Variants in TPST2 observed in about 807,000 individuals in gnomAD.
The protein encoded by TPST2 is protein-tyrosine sulfotransferase 2.
In TPST2, 16 loss-of-function variants were observed where a neutral mutation model predicts 27.8. The ratio of observed to expected loss-of-function variants is 0.58; its 90% CI spans 0.39 to 0.88. TPST2 has a LOEUF of 0.88. TPST2 is among the 40% of genes least tolerant of loss of function. The pLI is 0.00. For synonymous variants in TPST2, 229 were observed against 231.7 expected, an observed-to-expected ratio of 0.99 and a Z score of 0.10; for missense variants, 464 against 543.1, an observed-to-expected ratio of 0.85 and a Z score of 1.45.
chr22:26,553,181 G>A (rs1926578623), intron 1 of TPST2, among the ~76,000 whole-genome samples: 1 of 151,948 alleles, frequency 6.6e-6, no homozygotes, highest in African/African-American at 2.4e-5. Flanking sequence ...TTGGTTCTGG[G>A]ACTTTTCTCA....
In TPST2 at chr22:26,532,713, A is replaced by G. The variant is rs1380829536; in HGVS notation, c.1074T>C (p.Asn358=). 1.2e-6 allele frequency: 2 copies of G among 1,614,100 alleles called. No individual in the cohort carries two copies. Among genetic ancestry groups the G allele is most frequent in the Non-Finnish European group, 1.7e-6 (2 of 1,179,964 alleles). Residue 358 remains asparagine (N), a synonymous_variant, in exon 5 of 7, where the codon AAT becomes AAC. Transcript: ENST00000338754. The part of the protein sequence containing the change: ...VLKGDYKTPA[N]LKGYFQVNQN... ...TTCTAACCTGAAAATATCCTTTCAGATTGGCTGGTGTTTTATAGTCCCCTT... is the reference window on the plus strand; with the variant it reads ...TTCTAACCTGAAAATATCCTTTCAGGTTGGCTGGTGTTTTATAGTCCCCTT...
At chr22:26,585,200 G>A (rs1928295725) in intron 1 of TPST2, among the ~76,000 whole-genome samples, 1 of 152,206 alleles carries the variant, frequency 6.6e-6, no homozygotes, top group Non-Finnish European at 1.5e-5. Flanking sequence ...TGGGCTGCCT[G>A]CCTGCTTTCT....
chr22:26,582,881 G>C (rs1233169065), intron 1 of TPST2, among the ~76,000 whole-genome samples: 1 of 152,066 alleles, frequency 6.6e-6, no homozygotes. Flanking sequence ...ATATCTCACT[G>C]TGGGGAACAA....
At chr22:26,531,219 T>C (rs1334747361) in intron 5 of TPST2, among the ~76,000 whole-genome samples, 5 of 152,156 alleles carry the variant, frequency 3.3e-5, no homozygotes, top group South Asian at 2.1e-4. Context: ...ATCTCCCTAC[T>C]GTCCTCCACT....
chr22:26,560,576 AT>A (rs1159118361), intron 1 of TPST2: 6 of 924,218 alleles, frequency 6.5e-6, no homozygotes, highest in South Asian at 5.2e-5. Flanking sequence ...CATCACATGC[AT>A]TTTTTGGGCA....
chr22:26,561,141 G>C (rs947886499), intron 1 of TPST2: 12 of 1,605,872 alleles, frequency 7.5e-6, no homozygotes, highest in Non-Finnish European at 8.5e-6. Flanking sequence ...AGAAGATGAA[G>C]ATGAAGAAGA....
rs1924666305 is a variant in TPST2 at position 26,523,536 on chromosome 22, T to C, written c.*2739A>G. The C allele has an allele frequency of 6.6e-6, 1 of 152,224 alleles. No individual in the cohort carries two copies. The highest frequency in any genetic ancestry group is 2.4e-5 in the African/African-American group (1 of 41,460). The allele number at this position is 152,224 out of a possible 1,614,324, so 9.4% of individuals were successfully genotyped here. On this transcript the variant is annotated 3_prime_UTR_variant, in exon 7 of 7. Transcript: ENST00000338754. The stretch of plus-strand genomic sequence containing the variant: ...GTTTTTTTCAGGGAACAAGACCCAG[T>C]GCTACCACTTAGGGGCTAGAAACAG...
At chr22:26,587,476 G>T (rs1235776863) in intron 1 of TPST2, among the ~76,000 whole-genome samples, 1 of 152,018 alleles carries the variant, frequency 6.6e-6, no homozygotes, top group Non-Finnish European at 1.5e-5. Flanking sequence ...AAGTAGCTGG[G>T]GTTACAGGCA....
At chr22:26,545,173 C>T (rs555452075) in intron 1 of TPST2, among the ~76,000 whole-genome samples, 96 of 152,320 alleles carry the variant, frequency 6.3e-4, no homozygotes, top group African/African-American at 2.3e-3. Flanking sequence ...ACACAACATC[C>T]TACTGTCACC....
At chr22:26,537,291 G>C (rs1842717216) in intron 3 of TPST2, among the ~76,000 whole-genome samples, 1 of 152,208 alleles carries the variant, frequency 6.6e-6, no homozygotes, top group African/African-American at 2.4e-5. Flanking sequence ...TCAGACGCCA[G>C]CTGTTCCCCA....
intron 1 of TPST2, among the ~76,000 whole-genome samples, chr22:26,571,342 ACTT>A (rs1927616559): frequency 6.6e-6 from 1 of 151,180 alleles, no homozygotes; most frequent in South Asian, 2.1e-4. Context: ...CTCACATCGC[ACTT>A]CTTCAAGGCC....
chr22:26,551,872 CTTTT>C (rs1569185803), intron 1 of TPST2, among the ~76,000 whole-genome samples: 4 of 120,064 alleles, frequency 3.3e-5, no homozygotes, highest in African/African-American at 1.2e-4. Context: ...TTTTCCTTTT[CTTTT>C]CTTTTTCTTT....
At chr22:26,573,025 C>T (rs987642755) in intron 1 of TPST2, among the ~76,000 whole-genome samples, 6 of 152,076 alleles carry the variant, frequency 3.9e-5, no homozygotes, top group African/African-American at 1.4e-4. Context: ...ATCTGTGAAT[C>T]GGGAGAGCAG....
chr22:26,556,562 C>T (rs1926806396), intron 1 of TPST2, among the ~76,000 whole-genome samples: 1 of 152,174 alleles, frequency 6.6e-6, no homozygotes, highest in Admixed American at 6.5e-5. Context: ...GTGGTTTCTA[C>T]TGGTGATGCG....
At chr22:26,570,056 AAAGAAAG>A (rs1569193979) in intron 1 of TPST2, among the ~76,000 whole-genome samples, 1 of 150,082 alleles carries the variant, frequency 6.7e-6, no homozygotes. Context: ...AGAAAGAAAG[AAAGAAAG>A]AAGGAAAGAA....
At chr22:26,536,508 G>C in intron 3 of TPST2, 22 bp from the exon 4 acceptor site, 1 of 1,501,486 alleles carries the variant, frequency 6.7e-7, no homozygotes. Context: ...GGAGACGCTG[G>C]AGAGGGTAGG....
intron 1 of TPST2, among the ~76,000 whole-genome samples, chr22:26,583,910 C>T (rs1928230117): frequency 6.6e-6 from 1 of 152,214 alleles, no homozygotes; most frequent in Non-Finnish European, 1.5e-5. Context: ...CCTAAGGCAT[C>T]CTCAGATCCC....
Position 26,523,953 on chromosome 22 carries a change from A to G in TPST2, c.*2322T>C, listed in dbSNP as rs1924689172. 2 of 152,056 alleles carry G rather than the reference A, an allele frequency of 1.3e-5. No individual in the cohort carries two copies. Among genetic ancestry groups the G allele is most frequent in the African/African-American group, 4.8e-5 (2 of 41,410 alleles). 9.4% of individuals were successfully genotyped at this position (152,056 alleles called of 1,614,324 possible). A position where few individuals can be genotyped will look rare whatever the true frequency, so the allele number is the denominator to read the frequency against. ...CAGGGTCTTCACAGATGGACTTCTC[A>G]TAAAAGGTAACTCCTGGAACCAGAC... On this transcript the variant is annotated 3_prime_UTR_variant, in exon 7 of 7. Transcript: ENST00000338754.
chr22:26,533,406 C>T (rs528326521), intron 4 of TPST2, among the ~76,000 whole-genome samples: 86 of 152,028 alleles, frequency 5.7e-4, no homozygotes, highest in Non-Finnish European at 6.0e-4. Flanking sequence ...AGTGACAGAG[C>T]GAGACCCTGT....
Sources: gnomAD v4.1 joint callset for allele counts (sites outside exome capture counted in the v4.1 genomes callset) on GRCh38, gnomAD v4.1.1 for gene constraint, MANE v1.5 for transcripts, NCBI Gene and HGNC (gene_info 2026-07-23, HGNC 2026-07-21) for gene names.